Variants in TMCC3 observed in about 807,000 individuals in gnomAD.
TMCC3 encodes transmembrane and coiled-coil domain protein 3.
Under a neutral mutation model 40.2 loss-of-function variants are expected in TMCC3, and 28 were observed. The ratio of observed to expected loss-of-function variants is 0.70; its 90% CI spans 0.52 to 0.95. The LOEUF is 0.95. Ranked by LOEUF, TMCC3 falls within the 40% of genes least tolerant of loss-of-function variation. The pLI is 0.00. For missense variants in TMCC3, 554 were observed against 615.2 expected (o/e 0.90, Z 1.05); for synonymous variants, 255 against 248.5 (o/e 1.03, Z -0.25).
chr12:94,575,955 A>T lies in TMCC3; in HGVS notation c.1131+2439T>A, dbSNP rs540339596. The stretch of plus-strand genomic sequence containing the variant: ...GCCACCATGTCCAGCTATAATAATT[A>T]AAAAAAAAATTTTTTTCTAATTATG... On this transcript the variant is annotated intron_variant, in intron 3 of 3. Coordinates refer to ENST00000261226, the MANE Select transcript of TMCC3 (RefSeq NM_020698.4). 6.8e-3 allele frequency among the ~76,000 whole-genome samples: 1,035 copies of T among 151,710 alleles called. 14 individuals carry two copies. Among genetic ancestry groups the T allele is most frequent in the African/African-American group, 0.024 (981 of 41,316 alleles).
intron 2 of TMCC3, among the ~76,000 whole-genome samples, chr12:94,579,547 C>G (rs2068587902): frequency 6.6e-6 from 1 of 152,154 alleles, no homozygotes; most frequent in Admixed American, 6.5e-5. Context: ...AACAAAAAAT[C>G]TTATACTGTG....
chr12:94,619,961 C>T (rs531285805), intron 1 of TMCC3, among the ~76,000 whole-genome samples: 3 of 152,002 alleles, frequency 2.0e-5, no homozygotes, highest in African/African-American at 4.8e-5. Flanking sequence ...GTCGGGAGTT[C>T]GAGACCAGCT....
At chr12:94,609,204 G>A (rs1434335909) in intron 1 of TMCC3, among the ~76,000 whole-genome samples, 1 of 151,942 alleles carries the variant, frequency 6.6e-6, no homozygotes, top group Non-Finnish European at 1.5e-5. Context: ...CACCAGCCTG[G>A]GTGACAGAGT....
chr12:94,598,418 GA>G (rs746717431), intron 1 of TMCC3: 8 of 178,984 alleles, frequency 4.5e-5, no homozygotes, highest in Non-Finnish European at 7.6e-5. Context: ...TAGAGAAACA[GA>G]AGAACAAAAA....
chr12:94,644,066 C>T (rs1343533283), intron 1 of TMCC3, among the ~76,000 whole-genome samples: 3 of 152,214 alleles, frequency 2.0e-5, no homozygotes, highest in Non-Finnish European at 4.4e-5. Context: ...TGCATTCTTC[C>T]TTTCACCTAT....
intron 1 of TMCC3, among the ~76,000 whole-genome samples, chr12:94,621,106 G>A (rs2068873649): frequency 6.6e-6 from 1 of 152,070 alleles, no homozygotes. Flanking sequence ...GCATTGCCTC[G>A]TGCACACCTA....
intron 1 of TMCC3, among the ~76,000 whole-genome samples, chr12:94,613,300 CAAT>C (rs77049120): frequency 3.3e-5 from 5 of 150,286 alleles, no homozygotes; most frequent in Admixed American, 6.6e-5. Context: ...CTGTCTCTAC[CAAT>C]AATAATAATA....
At chr12:94,608,108 T>C (rs139951668) in intron 1 of TMCC3, among the ~76,000 whole-genome samples, 7 of 152,276 alleles carry the variant, frequency 4.6e-5, no homozygotes, top group Admixed American at 2.0e-4. Context: ...TATTATAGGA[T>C]TGACTCAAAG....
At chr12:94,597,149 ATATATATATG>A (rs1175878975) in intron 1 of TMCC3, among the ~76,000 whole-genome samples, 297 of 14,946 alleles carry the variant, frequency 0.02, 11 homozygotes, top group African/African-American at 0.042. Context: ...ATATATATAT[ATATATATATG>A]TATATAAATT....
At chr12:94,635,490 T>C (rs555953796) in intron 1 of TMCC3, among the ~76,000 whole-genome samples, 12 of 152,302 alleles carry the variant, frequency 7.9e-5, no homozygotes, top group African/African-American at 2.6e-4. Flanking sequence ...CAGGATTTTA[T>C]AACATTAAGT....
chr12:94,601,325 G>A (rs2068751009), intron 1 of TMCC3, among the ~76,000 whole-genome samples: 1 of 152,104 alleles, frequency 6.6e-6, no homozygotes. Flanking sequence ...GACCAGGCTG[G>A]CCAACATGGT....
intron 2 of TMCC3, among the ~76,000 whole-genome samples, chr12:94,580,451 T>A (rs1280942629): frequency 1.3e-5 from 2 of 152,148 alleles, no homozygotes; most frequent in African/African-American, 2.4e-5. Flanking sequence ...ATACATTACA[T>A]AGGCTGGGTG....
intron 1 of TMCC3, among the ~76,000 whole-genome samples, chr12:94,590,613 G>A (rs900990664): frequency 6.6e-6 from 1 of 152,210 alleles, no homozygotes; most frequent in Non-Finnish European, 1.5e-5. Flanking sequence ...GGAGGGAAGG[G>A]AGAGTGCCCT....
chr12:94,584,197 T>C (rs2068624097), intron 1 of TMCC3, among the ~76,000 whole-genome samples: 1 of 152,150 alleles, frequency 6.6e-6, no homozygotes, highest in Non-Finnish European at 1.5e-5. Flanking sequence ...TTCTCATGAA[T>C]GGTTTAGCAA....
chr12:94,591,120 C>T (rs7975236), intron 1 of TMCC3: 287,937 of 450,382 alleles, frequency 0.64, 92,222 homozygotes, highest in Admixed American at 0.7. Flanking sequence ...CCATTGACAG[C>T]TGGATGAAAC....
intron 3 of TMCC3, among the ~76,000 whole-genome samples, chr12:94,577,872 C>G (rs1456715084): frequency 1.3e-5 from 2 of 152,048 alleles, no homozygotes; most frequent in African/African-American, 4.8e-5. Flanking sequence ...CTTAGCCAGG[C>G]ACGGTGGCTC....
chr12:94,577,662 G>A (rs181035030), intron 3 of TMCC3, among the ~76,000 whole-genome samples: 70 of 152,210 alleles, frequency 4.6e-4, no homozygotes, highest in African/African-American at 1.6e-3. Flanking sequence ...AGTCCGTGTC[G>A]TGTAAATTGG....
intron 1 of TMCC3, among the ~76,000 whole-genome samples, chr12:94,638,711 T>A (rs1295538427): frequency 6.6e-6 from 1 of 152,228 alleles, no homozygotes; most frequent in Non-Finnish European, 1.5e-5. Flanking sequence ...ATTAGTGAGA[T>A]TAAAATAGTA....
chr12:94,597,120 A>AAAAAAAAAAAAAAATATATATATATATAT (rs2068719307), intron 1 of TMCC3, among the ~76,000 whole-genome samples: 2 of 5,488 alleles, frequency 3.6e-4, no homozygotes, highest in African/African-American at 8.9e-4. Flanking sequence ...TCTCTATTAA[A>AAAAAAAAAAAAAAATATATATATATATAT]ATACATATAT....
Sources: gnomAD v4.1 joint callset for allele counts (sites outside exome capture counted in the v4.1 genomes callset) on GRCh38, gnomAD v4.1.1 for gene constraint, MANE v1.5 for transcripts, NCBI Gene and HGNC (gene_info 2026-07-23, HGNC 2026-07-21) for gene names.